ADGRB3: variants seen among roughly 807,000 people sequenced by gnomAD.
The protein encoded by ADGRB3 is brain-specific angiogenesis inhibitor 3.
A neutral mutation model predicts 193.4 loss-of-function variants in ADGRB3; 37 were observed. The observed-to-expected ratio is 0.19, with a 90% confidence interval of 0.15 to 0.25. ADGRB3 has a LOEUF of 0.25. Among genes scored for constraint, ADGRB3 ranks in the 10% least tolerant of loss-of-function variants. The pLI is 1.00. For synonymous variants in ADGRB3, 690 were observed against 644.2 expected (o/e 1.07, Z -1.08); for missense variants, 1,637 against 1,852.9 (o/e 0.88, Z 2.14).
At chr6:68,717,679 A>C (rs1012690488) in intron 3 of ADGRB3, among the ~76,000 whole-genome samples, 1 of 151,582 alleles carries the variant, frequency 6.6e-6, no homozygotes, top group Non-Finnish European at 1.5e-5. Context: ...TATTTAATAA[A>C]GATATAAAAA....
chr6:68,661,016 A>T (rs534319992), intron 3 of ADGRB3, among the ~76,000 whole-genome samples: 2 of 150,620 alleles, frequency 1.3e-5, no homozygotes, highest in Non-Finnish European at 3.0e-5. Context: ...TTACTAACAT[A>T]TATAAAGCAT....
intron 3 of ADGRB3, among the ~76,000 whole-genome samples, chr6:68,653,425 G>A (rs1391974482): frequency 6.6e-6 from 1 of 152,046 alleles, no homozygotes; most frequent in Admixed American, 6.6e-5. Flanking sequence ...CTGTAATCCA[G>A]ATGTAATAAG....
At chr6:68,660,012 C>CTTT (rs1414510769) in intron 3 of ADGRB3, among the ~76,000 whole-genome samples, 536 of 150,976 alleles carry the variant, frequency 3.6e-3, no homozygotes, top group African/African-American at 0.011. Flanking sequence ...TGATTAAAAC[C>CTTT]ATACTTCAAT....
At chr6:68,913,553 C>CATCAAAGA (rs1562083722) in intron 3 of ADGRB3, among the ~76,000 whole-genome samples, 1 of 152,122 alleles carries the variant, frequency 6.6e-6, no homozygotes, top group Non-Finnish European at 1.5e-5. Context: ...ACATCACCAT[C>CATCAAAGA]ATCAAAGACC....
chr6:68,732,705 A>G (rs1353122964), intron 3 of ADGRB3, among the ~76,000 whole-genome samples: 2 of 151,948 alleles, frequency 1.3e-5, no homozygotes, highest in African/African-American at 4.8e-5. Context: ...CTCACTGTGT[A>G]GCAGAATCTT....
intron 6 of ADGRB3, among the ~76,000 whole-genome samples, chr6:68,947,717 A>G (rs557606898): frequency 6.6e-6 from 1 of 152,242 alleles, no homozygotes; most frequent in East Asian, 1.9e-4. Context: ...TACCCACTTC[A>G]TAGGATGGGT....
intron 17 of ADGRB3, among the ~76,000 whole-genome samples, chr6:69,098,995 C>A (rs1382414721): frequency 6.6e-6 from 1 of 152,126 alleles, no homozygotes; most frequent in Non-Finnish European, 1.5e-5. Flanking sequence ...AAATAGCTAC[C>A]TCTATGAAAA....
At chr6:69,204,789 C>T (rs1765500850) in intron 17 of ADGRB3, among the ~76,000 whole-genome samples, 1 of 151,996 alleles carries the variant, frequency 6.6e-6, no homozygotes, top group Non-Finnish European at 1.5e-5. Flanking sequence ...ATCTCTCTGA[C>T]CCCGTTTCCA....
intron 17 of ADGRB3, among the ~76,000 whole-genome samples, chr6:69,125,778 GT>G (rs1773834479): frequency 6.6e-6 from 1 of 152,158 alleles, no homozygotes; most frequent in Non-Finnish European, 1.5e-5. Flanking sequence ...TGAAAGTTCT[GT>G]AATGCTTTTT....
chr6:69,131,958 A>C (rs1445475784), intron 17 of ADGRB3, among the ~76,000 whole-genome samples: 1 of 152,046 alleles, frequency 6.6e-6, no homozygotes, highest in East Asian at 1.9e-4. Flanking sequence ...ACATGAACTC[A>C]TCCGTTTTTA....
intron 31 of ADGRB3, among the ~76,000 whole-genome samples, 164 bp from the exon 32 acceptor site, chr6:69,388,539 A>C (rs1010100815): frequency 2.0e-5 from 3 of 152,170 alleles, no homozygotes; most frequent in Admixed American, 6.6e-5. Flanking sequence ...CAATGAAATA[A>C]AACTAAAATC....
chr6:69,383,211 C>T (rs541340512), intron 31 of ADGRB3, among the ~76,000 whole-genome samples: 3 of 151,986 alleles, frequency 2.0e-5, no homozygotes, highest in Non-Finnish European at 2.9e-5. Flanking sequence ...GATCATTTTA[C>T]TGTCAGAGTT....
chr6:69,192,295 G>A (rs984094127), intron 17 of ADGRB3, among the ~76,000 whole-genome samples: 1 of 152,104 alleles, frequency 6.6e-6, no homozygotes, highest in African/African-American at 2.4e-5. Flanking sequence ...GATGTTAGAG[G>A]GCAGGAAGTG....
At chr6:69,158,578 A>G (rs187155462) in intron 17 of ADGRB3, among the ~76,000 whole-genome samples, 200 of 152,276 alleles carry the variant, frequency 1.3e-3, no homozygotes, top group Non-Finnish European at 1.5e-3. Context: ...AATAGAAAAT[A>G]AAAAATAAAT....
chr6:68,939,851 A>C (rs530637423), intron 5 of ADGRB3, among the ~76,000 whole-genome samples: 16 of 152,326 alleles, frequency 1.1e-4, no homozygotes, highest in South Asian at 6.2e-4. Context: ...CTGATTTGTC[A>C]CATTTTGGAC....
intron 20 of ADGRB3, among the ~76,000 whole-genome samples, chr6:69,253,533 A>G (rs1766673840): frequency 6.6e-6 from 1 of 152,090 alleles, no homozygotes; most frequent in Admixed American, 6.6e-5. Context: ...TGAGAAAGAA[A>G]GGACATCCCA....
chr6:68,788,457 G>A (rs12209824), intron 3 of ADGRB3, among the ~76,000 whole-genome samples: 14,579 of 152,200 alleles, frequency 0.096, 917 homozygotes, highest in Middle Eastern at 0.27. Context: ...CCATGTAGTT[G>A]AGCAGTTTTG....
intron 17 of ADGRB3, among the ~76,000 whole-genome samples, chr6:69,224,028 G>A (rs933556315): frequency 6.6e-6 from 1 of 151,844 alleles, no homozygotes; most frequent in East Asian, 1.9e-4. Flanking sequence ...TGGAAAAATG[G>A]AGAAGTATAA....
At chr6:68,681,353 C>A (rs1764892490) in intron 3 of ADGRB3, among the ~76,000 whole-genome samples, 1 of 152,182 alleles carries the variant, frequency 6.6e-6, no homozygotes, top group African/African-American at 2.4e-5. Flanking sequence ...GAGACAGCAT[C>A]TCCCTTTGTT....
Sources: gnomAD v4.1 joint callset for allele counts (sites outside exome capture counted in the v4.1 genomes callset) on GRCh38, gnomAD v4.1.1 for gene constraint, MANE v1.5 for transcripts, NCBI Gene and HGNC (gene_info 2026-07-23, HGNC 2026-07-21) for gene names.